YBX1: variants seen among roughly 807,000 people sequenced by gnomAD.
YBX1 encodes the protein Y-box-binding protein 1.
A neutral mutation model predicts 41.4 loss-of-function variants in YBX1; 3 were observed. The ratio of observed to expected loss-of-function variants is 0.07; its 90% CI spans 0.03 to 0.19. The LOEUF (loss-of-function observed/expected upper bound fraction) is 0.19. Among genes scored for constraint, YBX1 ranks in the 10% least tolerant of loss-of-function variants. The probability of loss-of-function intolerance (pLI) is 1.00; values close to 1 mark genes in which losing one functional copy is unlikely to be tolerated. For missense variants in YBX1, 274 were observed against 462.8 expected (o/e 0.59, Z 3.74); for synonymous variants, 133 against 165.8 (o/e 0.80, Z 1.52).
intron 6 of YBX1, among the ~76,000 whole-genome samples, chr1:42,699,406 A>G (rs1204035816): frequency 6.6e-6 from 1 of 152,148 alleles, no homozygotes; most frequent in East Asian, 1.9e-4. Context: ...AAGTGAGTTC[A>G]CCCAGCTTGA....
intron 2 of YBX1, among the ~76,000 whole-genome samples, chr1:42,683,778 G>A (rs1164598088): frequency 6.6e-6 from 1 of 152,158 alleles, no homozygotes. Flanking sequence ...GGGAAACTAC[G>A]GTCCAGTACA....
intron 6 of YBX1, 75 bp downstream of exon 6, chr1:42,697,337 C>T (rs916715746): frequency 4.1e-5 from 57 of 1,405,912 alleles, no homozygotes; most frequent in South Asian, 2.5e-4. Flanking sequence ...TCATGCCTCT[C>T]CTGCAGACTC....
chr1:42,683,583 C>T (rs575016208), intron 2 of YBX1, 117 bp downstream of exon 2: 45 of 1,095,720 alleles, frequency 4.1e-5, no homozygotes, highest in Middle Eastern at 3.1e-4. Context: ...GCGTTTACTA[C>T]CTCTGGTGTA....
chr1:42,688,613 G>A (rs1166122832), intron 2 of YBX1, among the ~76,000 whole-genome samples: 1 of 152,158 alleles, frequency 6.6e-6, no homozygotes, highest in Admixed American at 6.5e-5. Flanking sequence ...CCAGTAAATT[G>A]CATGTCAGTA....
At position 42,703,220 on chromosome 1, in the gene YBX1, G is replaced by A. The variant is rs1650649194; in HGVS notation, c.*1271G>A. ...ATTACAGGTGTGAGCCACCGCACCT[G>A]GCCTCTCTGGCTTTTGTTTTCTAAT... On this transcript the variant is annotated 3_prime_UTR_variant, in exon 8 of 8. Coordinates refer to ENST00000321358, the MANE Select transcript of YBX1 (RefSeq NM_004559.5). 1.3e-5 allele frequency among the ~76,000 whole-genome samples: 2 copies of A among 152,070 alleles called. No individual in the cohort carries two copies. The highest frequency in any genetic ancestry group is 4.8e-5 in the African/African-American group (2 of 41,400).
chr1:42,703,804 A>AATG (rs1206495515), exon 8 of YBX1, among the ~76,000 whole-genome samples: 1 of 152,232 alleles, frequency 6.6e-6, no homozygotes, highest in Middle Eastern at 3.2e-3. Flanking sequence ...GTTTCAACTT[A>AATG]ATGATTTTCT....
chr1:42,689,496 A>G (rs1207436345), intron 2 of YBX1, among the ~76,000 whole-genome samples: 1 of 152,216 alleles, frequency 6.6e-6, no homozygotes, highest in Non-Finnish European at 1.5e-5. Flanking sequence ...TATGTATAAT[A>G]AGTCTTATTT....
At chr1:42,700,556 T>G (rs3850847) in intron 6 of YBX1, among the ~76,000 whole-genome samples, 108,495 of 147,714 alleles carry the variant, frequency 0.73, 41,098 homozygotes, top group African/African-American at 0.93. Context: ...CTGTCATCAT[T>G]CCATGGCACT....
chr1:42,692,168 CT>C (rs1401380297), intron 2 of YBX1, among the ~76,000 whole-genome samples: 1 of 152,214 alleles, frequency 6.6e-6, no homozygotes, highest in Non-Finnish European at 1.5e-5. Flanking sequence ...AGTATTGCCC[CT>C]GTTGAAAATC....
chr1:42,701,146 A>C (rs1650590892), intron 7 of YBX1, 100 bp downstream of exon 7: 1 of 783,740 alleles, frequency 1.3e-6, no homozygotes. Context: ...CCATCAGATA[A>C]TGAAAGCCAT....
At chr1:42,683,292 T>A (rs763567010) in intron 1 of YBX1, 111 bp from the exon 2 acceptor site, 30 of 1,271,114 alleles carry the variant, frequency 2.4e-5, no homozygotes, top group Non-Finnish European at 3.4e-5. Context: ...GAGAAAGGGC[T>A]GTCAGGTGGC....
chr1:42,687,636 G>T (rs1557529539), intron 2 of YBX1, among the ~76,000 whole-genome samples: 1 of 152,042 alleles, frequency 6.6e-6, no homozygotes, highest in Non-Finnish European at 1.5e-5. Flanking sequence ...AGTACTTACT[G>T]TGTGGTTGTT....
In YBX1 at chr1:42,703,444, C is replaced by A. The variant is rs547345967; in HGVS notation, c.*1495C>A. Among the ~76,000 whole-genome samples the A allele has an allele frequency of 5.3e-5, 8 of 152,060 alleles. 1 individual carries two copies. The highest frequency in any genetic ancestry group is 1.9e-4 in the African/African-American group (8 of 41,466). On this transcript the variant is annotated 3_prime_UTR_variant, in exon 8 of 8. Coordinates refer to ENST00000321358, the MANE Select transcript of YBX1 (RefSeq NM_004559.5). ...AGTCATCTCCTGCTTGGGACTAACT[C>A]TTTGCAGAGGACTTGATAAGAGACT...
chr1:42,694,689 C>G (rs960362133), intron 3 of YBX1, among the ~76,000 whole-genome samples: 13 of 152,156 alleles, frequency 8.5e-5, no homozygotes, highest in Admixed American at 6.5e-5. Context: ...AGTTCAGGGT[C>G]AAATGTAATT....
At chr1:42,690,247 C>CT (rs201469298) in intron 2 of YBX1, among the ~76,000 whole-genome samples, 43,114 of 143,794 alleles carry the variant, frequency 0.3, 6,372 homozygotes, top group Non-Finnish European at 0.32. Flanking sequence ...TTTTTCTTTT[C>CT]TTTTTTTTTT....
chr1:42,701,939 A>G (rs889205533), intron 7 of YBX1, 42 bp from the exon 8 acceptor site: 3 of 153,006 alleles, frequency 2.0e-5, no homozygotes, highest in African/African-American at 7.2e-5. Context: ...AATGAAGATC[A>G]CCATGAATTC....
intron 2 of YBX1, among the ~76,000 whole-genome samples, chr1:42,689,504 T>C (rs938025676): frequency 4.6e-5 from 7 of 152,214 alleles, no homozygotes; most frequent in African/African-American, 7.2e-5. Flanking sequence ...ATAAGTCTTA[T>C]TTAAGGCAAT....
At chr1:42,697,562 A>T (rs1309512373) in intron 6 of YBX1, among the ~76,000 whole-genome samples, 1 of 152,238 alleles carries the variant, frequency 6.6e-6, no homozygotes, top group Non-Finnish European at 1.5e-5. Context: ...AAAGGAAAGC[A>T]TTAGGAGTAT....
intron 2 of YBX1, among the ~76,000 whole-genome samples, chr1:42,691,583 G>T (rs940885318): frequency 6.6e-6 from 1 of 152,108 alleles, no homozygotes; most frequent in Non-Finnish European, 1.5e-5. Flanking sequence ...ACATTAGAAG[G>T]CATAACAAAC....
Sources: allele counts gnomAD v4.1 joint callset (sites outside exome capture counted in the v4.1 genomes callset), GRCh38; gene constraint gnomAD v4.1.1; transcripts MANE v1.5; gene names NCBI Gene and HGNC (gene_info 2026-07-23, HGNC 2026-07-21).